AGPS: variants seen among roughly 807,000 people sequenced by gnomAD.
The protein encoded by AGPS is alkyldihydroxyacetonephosphate synthase, peroxisomal.
AGPS carries 26 observed loss-of-function variants against 90.7 expected under a neutral mutation model. The ratio of observed to expected loss-of-function variants is 0.29; its 90% CI spans 0.21 to 0.40. The LOEUF is 0.40. AGPS is among the 10% of genes least tolerant of loss of function. The probability of loss-of-function intolerance (pLI) is 1.00; values close to 1 mark genes in which losing one functional copy is unlikely to be tolerated. For synonymous variants in AGPS, 294 were observed against 285.3 expected, an observed-to-expected ratio of 1.03 and a Z score of -0.31; for missense variants, 540 against 816.1, an observed-to-expected ratio of 0.66 and a Z score of 4.12.
intron 2 of AGPS, among the ~76,000 whole-genome samples, chr2:177,432,775 T>A (rs1298750865): frequency 6.6e-6 from 1 of 152,208 alleles, no homozygotes; most frequent in East Asian, 1.9e-4. Flanking sequence ...TTCTGTAGGC[T>A]GTGCAAGAAA....
At chr2:177,496,070 A>G (rs1251812544) in intron 12 of AGPS, among the ~76,000 whole-genome samples, 2 of 152,322 alleles carry the variant, frequency 1.3e-5, no homozygotes, top group East Asian at 3.9e-4. Context: ...TATCACTTTT[A>G]CAATAATTTA....
Position 177,540,362 on chromosome 2 carries a change from G to T in AGPS, c.*2167G>T, listed in dbSNP as rs955676101. ...ACTCCCCAACCTTGATTTTATAATG[G>T]TGACTGCATTTTGTAGGTGGAATCA... is the stretch of plus-strand genomic sequence containing the variant. On this transcript the variant is annotated 3_prime_UTR_variant, in exon 20 of 20. Coordinates refer to ENST00000264167, the MANE Select transcript of AGPS (RefSeq NM_003659.4). 2 of 151,624 alleles carry T rather than the reference G, an allele frequency of 1.3e-5. No homozygotes were observed. Among genetic ancestry groups the T allele is most frequent in the Non-Finnish European group, 2.9e-5 (2 of 67,886 alleles). The allele number at this position is 151,624 out of a possible 1,614,324, so 9.4% of individuals were successfully genotyped here.
intron 3 of AGPS, among the ~76,000 whole-genome samples, chr2:177,434,800 A>C (rs1559044359): frequency 6.6e-6 from 1 of 152,036 alleles, no homozygotes. Context: ...ATTATTTAAT[A>C]GACTGACTGT....
intron 17 of AGPS, among the ~76,000 whole-genome samples, chr2:177,515,236 T>A (rs1574025796): frequency 6.6e-6 from 1 of 152,148 alleles, no homozygotes; most frequent in East Asian, 1.9e-4. Context: ...ATTTTTGTGT[T>A]TATATTATCA....
At chr2:177,461,474 A>C (rs1458027557) in intron 8 of AGPS, among the ~76,000 whole-genome samples, 1 of 152,232 alleles carries the variant, frequency 6.6e-6, no homozygotes, top group Non-Finnish European at 1.5e-5. Flanking sequence ...TAGAGAGAAC[A>C]AGAGATTAAG....
intron 8 of AGPS, among the ~76,000 whole-genome samples, chr2:177,458,501 A>G (rs1487403460): frequency 6.6e-6 from 1 of 152,218 alleles, no homozygotes; most frequent in Non-Finnish European, 1.5e-5. Context: ...GTCTCAGGAT[A>G]GGGTGCAAAA....
At chr2:177,441,319 T>G (rs961584378) in intron 6 of AGPS, 5 of 352,954 alleles carry the variant, frequency 1.4e-5, no homozygotes, top group African/African-American at 1.1e-4. Context: ...GTAATTACTT[T>G]TTAACCTGTA....
At chr2:177,508,581 A>G (rs1452766769) in intron 16 of AGPS, among the ~76,000 whole-genome samples, 1 of 152,200 alleles carries the variant, frequency 6.6e-6, no homozygotes, top group African/African-American at 2.4e-5. Context: ...ATAGATGGAA[A>G]TAGATTTTAG....
chr2:177,398,470 C>T (rs1221845414), intron 1 of AGPS, among the ~76,000 whole-genome samples: 1 of 152,182 alleles, frequency 6.6e-6, no homozygotes, highest in Non-Finnish European at 1.5e-5. Flanking sequence ...GTTAATTTAT[C>T]TAAGGCCTTG....
At chr2:177,397,702 A>G (rs2105582671) in intron 1 of AGPS, among the ~76,000 whole-genome samples, 1 of 152,302 alleles carries the variant, frequency 6.6e-6, no homozygotes, top group East Asian at 1.9e-4. Context: ...ACTTGCTTAT[A>G]ATGTCACTTA....
At chr2:177,450,977 T>G (rs1346544951) in intron 8 of AGPS, among the ~76,000 whole-genome samples, 1 of 136,890 alleles carries the variant, frequency 7.3e-6, no homozygotes, top group Non-Finnish European at 1.5e-5. Flanking sequence ...TATATATATT[T>G]TAGAGACAAG....
intron 17 of AGPS, among the ~76,000 whole-genome samples, chr2:177,518,429 T>C (rs572855998): frequency 1.3e-5 from 2 of 151,840 alleles, no homozygotes; most frequent in South Asian, 4.2e-4. Flanking sequence ...ATAGCAAAAC[T>C]ACATCTCAAA....
At chr2:177,407,454 A>T (rs2105593504) in intron 1 of AGPS, among the ~76,000 whole-genome samples, 1 of 152,338 alleles carries the variant, frequency 6.6e-6, no homozygotes, top group Admixed American at 6.5e-5. Context: ...GCTTACAATC[A>T]TGGCAGAAGA....
At chr2:177,458,238 G>A (rs1000993621) in intron 8 of AGPS, among the ~76,000 whole-genome samples, 4 of 152,124 alleles carry the variant, frequency 2.6e-5, no homozygotes, top group Non-Finnish European at 5.9e-5. Context: ...ATATCATACC[G>A]AATGGGCAAA....
chr2:177,423,436 G>A (rs1365626810), intron 2 of AGPS, among the ~76,000 whole-genome samples: 1 of 152,118 alleles, frequency 6.6e-6, no homozygotes, highest in Non-Finnish European at 1.5e-5. Context: ...CAGTGAGGTA[G>A]ACAGAAATAA....
At chr2:177,411,286 A>G (rs879831310) in intron 1 of AGPS, among the ~76,000 whole-genome samples, 8 of 152,224 alleles carry the variant, frequency 5.3e-5, no homozygotes, top group Non-Finnish European at 8.8e-5. Context: ...ACAGAGAGCT[A>G]TGCTTCCTCA....
At chr2:177,480,494 C>A (rs1687911101) in intron 10 of AGPS, among the ~76,000 whole-genome samples, 1 of 152,044 alleles carries the variant, frequency 6.6e-6, no homozygotes, top group African/African-American at 2.4e-5. Flanking sequence ...AGCCAAACAC[C>A]ACATGTTCTC....
chr2:177,513,717 G>GA (rs1260254040), intron 16 of AGPS, 102 bp from the exon 17 acceptor site: 5 of 851,196 alleles, frequency 5.9e-6, no homozygotes, highest in African/African-American at 1.7e-5. Flanking sequence ...CTTTAGCTAA[G>GA]AAAATGTCAG....
chr2:177,510,210 G>A (rs1444851050), intron 16 of AGPS, among the ~76,000 whole-genome samples: 1 of 152,140 alleles, frequency 6.6e-6, no homozygotes, highest in African/African-American at 2.4e-5. Context: ...ATGTTAACAT[G>A]GTTGGGGTTT....
Sources: allele counts gnomAD v4.1 joint callset (sites outside exome capture counted in the v4.1 genomes callset), GRCh38; gene constraint gnomAD v4.1.1; transcripts MANE v1.5; gene names NCBI Gene and HGNC (gene_info 2026-07-23, HGNC 2026-07-21).